The following TMEM164 variants were observed in gnomAD, a reference collection of about 807,000 sequenced individuals.
TMEM164 encodes transmembrane protein 164.
TMEM164 carries 4 observed loss-of-function variants against 18.8 expected under a neutral mutation model. That is an observed-to-expected ratio of 0.21 (90% CI 0.10 to 0.49). TMEM164 has a LOEUF of 0.49. Among genes scored for constraint, TMEM164 ranks in the 20% least tolerant of loss-of-function variants. TMEM164 has a pLI of 0.98. For synonymous variants in TMEM164, 86 were observed against 101.7 expected (o/e 0.85, Z 0.93); for missense variants, 108 against 239.9 (o/e 0.45, Z 3.63).
At chrX:110,148,333 C>G (rs961717377) in intron 5 of TMEM164, among the ~76,000 whole-genome samples, 4 of 110,715 alleles carry the variant, frequency 3.6e-5, no homozygotes, top group African/African-American at 1.3e-4. Context: ...CTCTCTACCT[C>G]TACAAGCTTC....
intron 4 of TMEM164, among the ~76,000 whole-genome samples, chrX:110,133,258 C>A (rs182896130): frequency 1.2e-4 from 13 of 111,946 alleles, no homozygotes; most frequent in Admixed American, 8.5e-4. Flanking sequence ...TCAAGCAATT[C>A]TCCTGCCTCA....
intron 2 of TMEM164, among the ~76,000 whole-genome samples, chrX:110,027,954 G>A (rs1316965029): frequency 9.0e-6 from 1 of 111,177 alleles, no homozygotes; most frequent in East Asian, 2.8e-4. Context: ...AGATCAGAGT[G>A]ATTTGTTTCT....
intron 3 of TMEM164, among the ~76,000 whole-genome samples, chrX:110,086,590 ATG>A (rs2065855028): frequency 0.012 from 1 of 85 alleles, no homozygotes; most frequent in Non-Finnish European, 0.031. Context: ...TTATATATAT[ATG>A]TATATATGTG....
In TMEM164 at chrX:110,071,072, C is replaced by A. The variant is rs987038885; in HGVS notation, c.440+3676C>A. Reference sequence around the variant, plus strand: ...ATTTTAAATGGAAATATTTTCTGTACTCCTCCATATTTGCTGTTGGTGTTT... The same window carrying A: ...ATTTTAAATGGAAATATTTTCTGTAATCCTCCATATTTGCTGTTGGTGTTT... On this transcript the variant is annotated intron_variant, in intron 3 of 6. Coordinates refer to ENST00000372068, the MANE Select transcript of TMEM164 (RefSeq NM_032227.4). Among the ~76,000 whole-genome samples, 3 of 111,270 alleles carry A rather than the reference C, an allele frequency of 2.7e-5. No individual in the cohort carries two copies. The Admixed American group carries it at 2.9e-4, about 11-fold the overall frequency.
intron 3 of TMEM164, 133 bp downstream of exon 3, chrX:110,067,529 A>T (rs2065521018): frequency 8.9e-6 from 5 of 560,017 alleles, no homozygotes; most frequent in Non-Finnish European, 1.5e-5. Context: ...AAAGGGATGA[A>T]GGTCTGTGAG....
At chrX:110,030,309 C>G (rs1407379478) in intron 2 of TMEM164, among the ~76,000 whole-genome samples, 14 of 107,277 alleles carry the variant, frequency 1.3e-4, no homozygotes, top group African/African-American at 4.7e-4. Context: ...TTTGTAGAGA[C>G]AGGGTTTCAC....
chrX:110,102,245 G>T (rs2066123355), intron 3 of TMEM164, among the ~76,000 whole-genome samples: 1 of 109,547 alleles, frequency 9.1e-6, no homozygotes, highest in South Asian at 3.9e-4. Flanking sequence ...TTGGGAGGCT[G>T]AGGCAGGAGA....
At position 110,174,901 on chromosome X, in the gene TMEM164, C is replaced by G. The variant is rs756639779; in HGVS notation, c.*1450C>G. On this transcript the variant is annotated 3_prime_UTR_variant, in exon 7 of 7. Transcript: ENST00000372068. ...CTCTAGGCAACACAGTTGACCTAGA[C>G]CAGTTCCAGTATTTCCAGTTTGACC... 2.7e-5 allele frequency: 3 copies of G among 112,307 alleles called. No homozygotes were observed. The highest frequency in any genetic ancestry group is 5.6e-5 in the Non-Finnish European group (3 of 53,181). 9.3% of individuals were successfully genotyped at this position (112,307 alleles called of 1,213,427 possible). A position where few individuals can be genotyped will look rare whatever the true frequency, so the allele number is the denominator to read the frequency against.
chrX:110,017,940 G>A (rs1279953134), intron 2 of TMEM164, among the ~76,000 whole-genome samples: 2 of 111,767 alleles, frequency 1.8e-5, no homozygotes, highest in Non-Finnish European at 3.8e-5. Flanking sequence ...CTTGCTTCCT[G>A]TCTTCCACAG....
intron 4 of TMEM164, among the ~76,000 whole-genome samples, chrX:110,127,513 CAAACAAAACAAAACA>C (rs753725085): frequency 9.0e-6 from 1 of 111,716 alleles, no homozygotes; most frequent in Non-Finnish European, 1.9e-5. Context: ...AACTCCGTCT[CAAACAAAACAAAACA>C]AAACAAAACA....
chrX:110,176,314 G>A lies in TMEM164; in HGVS notation c.*2863G>A. On this transcript the variant is annotated 3_prime_UTR_variant, in exon 7 of 7. Coordinates refer to ENST00000372068, the MANE Select transcript of TMEM164 (RefSeq NM_032227.4). The stretch of plus-strand genomic sequence containing the variant: ...CTGCTTCTGGTCCTCCCTGCCCTCA[G>A]TATTTGGTTTTGTACACCAAAGATG... 1 of 756,333 alleles carries A rather than the reference G, an allele frequency of 1.3e-6. No individual in the cohort carries two copies. Among genetic ancestry groups the A allele is most frequent in the Non-Finnish European group, 1.6e-6 (1 of 639,589 alleles). The allele number at this position is 756,333 out of a possible 1,213,427, so 62.3% of individuals were successfully genotyped here.
intron 2 of TMEM164, among the ~76,000 whole-genome samples, chrX:110,031,065 C>T (rs1934481227): frequency 2.7e-5 from 3 of 110,908 alleles, no homozygotes; most frequent in Middle Eastern, 4.2e-3. Flanking sequence ...TCCCCTGCAA[C>T]TGCCGACAGG....
At chrX:110,170,507 T>C (rs746470377) in intron 5 of TMEM164, among the ~76,000 whole-genome samples, 58 of 111,800 alleles carry the variant, frequency 5.2e-4, no homozygotes, top group Non-Finnish European at 9.6e-4. Context: ...CCTAATTGCT[T>C]GGGGTGGGGG....
At chrX:110,123,451 G>A (rs1341471813) in intron 4 of TMEM164, among the ~76,000 whole-genome samples, 6 of 111,952 alleles carry the variant, frequency 5.4e-5, no homozygotes, top group Non-Finnish European at 9.4e-5. Context: ...ATAGTGTTCA[G>A]ATGATAAGGC....
intron 2 of TMEM164, among the ~76,000 whole-genome samples, chrX:110,011,817 C>T (rs1017457861): frequency 1.8e-5 from 2 of 111,927 alleles, no homozygotes; most frequent in African/African-American, 6.5e-5. Flanking sequence ...TTGAGAGATC[C>T]TACCATAAGT....
chrX:110,024,189 G>GT (rs1215196413), intron 2 of TMEM164, among the ~76,000 whole-genome samples: 1 of 112,217 alleles, frequency 8.9e-6, no homozygotes, highest in Non-Finnish European at 1.9e-5. Flanking sequence ...CACTGTTTCT[G>GT]TTTTCCCTTG....
chrX:110,035,100 T>G, intron 2 of TMEM164, among the ~76,000 whole-genome samples: 1 of 99,907 alleles, frequency 1.0e-5, no homozygotes, highest in East Asian at 3.6e-4. Flanking sequence ...GGGATAGCAT[T>G]AGTAGATATA....
intron 2 of TMEM164, among the ~76,000 whole-genome samples, chrX:110,016,398 C>T (rs768124886): frequency 2.7e-5 from 3 of 111,662 alleles, no homozygotes; most frequent in African/African-American, 9.8e-5. Flanking sequence ...TGCCCCTGAT[C>T]ATTTAGGACC....
In TMEM164 at chrX:110,083,398, A is replaced by T. The variant is rs749592023; in HGVS notation, c.440+16002A>T. On this transcript the variant is annotated intron_variant, in intron 3 of 6. Transcript: ENST00000372068. The stretch of plus-strand genomic sequence containing the variant: ...ATATGCTAGGATTTTTTCAGCTTGT[A>T]TTATTCATTGATCTCTCTCTTGGGT... 2.7e-5 allele frequency among the ~76,000 whole-genome samples: 3 copies of T among 111,334 alleles called. No individual in the cohort carries two copies. The East Asian group carries it at 8.5e-4, about 31-fold the overall frequency.
Sources: gnomAD v4.1 joint callset for allele counts (sites outside exome capture counted in the v4.1 genomes callset) on GRCh38, gnomAD v4.1.1 for gene constraint, MANE v1.5 for transcripts, NCBI Gene and HGNC (gene_info 2026-07-23, HGNC 2026-07-21) for gene names.